The following CNTN6 variants were observed in gnomAD, a reference collection of about 807,000 sequenced individuals.
CNTN6 encodes the protein contactin-6.
A neutral mutation model predicts 122.8 loss-of-function variants in CNTN6; 137 were observed. The ratio of observed to expected loss-of-function variants is 1.12; its 90% CI spans 0.97 to 1.29. The LOEUF (loss-of-function observed/expected upper bound fraction) is 1.29, where lower values mean the gene tolerates loss of function less well. CNTN6 is among the 50% of genes most tolerant of loss of function. The pLI is 0.00. For synonymous variants in CNTN6, 570 were observed against 426.0 expected (o/e 1.34, Z -4.16); for missense variants, 1,634 against 1,223.4 (o/e 1.34, Z -5.01).
intron 20 of CNTN6, among the ~76,000 whole-genome samples, chr3:1,395,704 G>C (rs1171521235): frequency 2.0e-5 from 3 of 152,136 alleles, no homozygotes; most frequent in East Asian, 3.9e-4. Flanking sequence ...TGTGTCCACA[G>C]GTACTGGAGA....
intron 2 of CNTN6, among the ~76,000 whole-genome samples, chr3:1,189,367 A>C (rs780512859): frequency 8.5e-5 from 13 of 152,218 alleles, no homozygotes; most frequent in Non-Finnish European, 1.6e-4. Flanking sequence ...GAAGAAATGC[A>C]TTTATACAAA....
intron 11 of CNTN6, among the ~76,000 whole-genome samples, chr3:1,335,745 C>G (rs1454942779): frequency 6.6e-6 from 1 of 152,022 alleles, no homozygotes; most frequent in Non-Finnish European, 1.5e-5. Context: ...ACAATTGAAT[C>G]TGGTTGGGTG....
chr3:1,268,066 GATT>G (rs1438700163), intron 4 of CNTN6, among the ~76,000 whole-genome samples: 1 of 152,190 alleles, frequency 6.6e-6, no homozygotes, highest in Non-Finnish European at 1.5e-5. Context: ...TCTCTTTAGA[GATT>G]ATTGACTACA....
chr3:1,259,036 C>T (rs956798095), intron 4 of CNTN6, among the ~76,000 whole-genome samples: 5 of 152,216 alleles, frequency 3.3e-5, no homozygotes, highest in African/African-American at 1.2e-4. Flanking sequence ...ACTTTATTCA[C>T]AAAACAGACA....
chr3:1,102,734 T>A (rs1403168169), intron 1 of CNTN6, among the ~76,000 whole-genome samples: 6 of 147,758 alleles, frequency 4.1e-5, no homozygotes, highest in Non-Finnish European at 7.5e-5. Flanking sequence ...TCTCAAAAAA[T>A]AAATAAATAC....
intron 7 of CNTN6, among the ~76,000 whole-genome samples, chr3:1,306,429 A>C (rs1247287911): frequency 2.6e-5 from 4 of 152,192 alleles, no homozygotes; most frequent in African/African-American, 9.6e-5. Flanking sequence ...AGAAATTGAA[A>C]GATAACATTA....
At chr3:1,392,633 GA>G (rs1346003933) in intron 20 of CNTN6, among the ~76,000 whole-genome samples, 3 of 142,332 alleles carry the variant, frequency 2.1e-5, no homozygotes, top group Admixed American at 2.1e-4. Context: ...TACAAAATGG[GA>G]GAAAATTTTC....
At chr3:1,273,844 CAG>C (rs1691827143) in intron 4 of CNTN6, among the ~76,000 whole-genome samples, 2 of 152,074 alleles carry the variant, frequency 1.3e-5, no homozygotes, top group African/African-American at 2.4e-5. Flanking sequence ...GAAGTGAACA[CAG>C]AATATATTAA....
chr3:1,158,785 TA>T (rs2093037296), intron 2 of CNTN6, among the ~76,000 whole-genome samples: 1 of 102,468 alleles, frequency 9.8e-6, no homozygotes, highest in Non-Finnish European at 1.9e-5. Flanking sequence ...TATGTGTGTA[TA>T]TATGTGTATA....
In CNTN6 at chr3:1,372,482, A is replaced by C. The variant is rs202137418; in HGVS notation, c.1668+8A>C. The C allele has an allele frequency of 6.3e-7, 1 of 1,595,052 alleles. No homozygotes were observed. The highest frequency in any genetic ancestry group is 1.8e-5 in the Admixed American group (1 of 55,398). Reference sequence around the variant, plus strand: ...TTTGAAAGGATTGGAGGAGTAAGTTACTGAAATTGTTAAGTGCTTAATAAA... The same window carrying C: ...TTTGAAAGGATTGGAGGAGTAAGTTCCTGAAATTGTTAAGTGCTTAATAAA... On this transcript the variant is annotated splice_region_variant and intron_variant, in intron 13 of 22. Transcript: ENST00000446702.
intron 20 of CNTN6, among the ~76,000 whole-genome samples, chr3:1,387,955 C>G (rs537668337): frequency 6.6e-6 from 1 of 152,078 alleles, no homozygotes; most frequent in South Asian, 2.1e-4. Flanking sequence ...AGTCTGAGAT[C>G]AAACTGCAAG....
chr3:1,387,884 T>A lies in CNTN6; in HGVS notation c.2704+2087T>A, dbSNP rs867479685. ...TAAAAAACGGCGCACCACGAGATTA[T>A]ATCCTGCACCCGGCTCGGAGGGTCC... On this transcript the variant is annotated intron_variant, in intron 20 of 22. Coordinates refer to ENST00000446702, the MANE Select transcript of CNTN6 (RefSeq NM_001289080.2). Among the ~76,000 whole-genome samples the A allele has an allele frequency of 4.9e-4, 74 of 152,282 alleles. 1 individual carries two copies. Among genetic ancestry groups the A allele is most frequent in the Middle Eastern group, 3.4e-3 (1 of 294 alleles).
In CNTN6 at chr3:1,227,925, T is replaced by C; in HGVS notation, c.290T>C (p.Met97Thr). 6.2e-7 allele frequency: 1 copy of C among 1,614,092 alleles called. No individual in the cohort carries two copies. Among genetic ancestry groups the C allele is most frequent in the Non-Finnish European group, 8.5e-7 (1 of 1,179,984 alleles). The change falls in exon 4 of 23, where the codon ATG becomes ACG. Residue 97 changes from methionine to threonine, a missense_variant. By Grantham distance (81) the Met-to-Thr change is moderately conservative. Coordinates refer to ENST00000446702, the MANE Select transcript of CNTN6 (RefSeq NM_001289080.2). The part of the protein sequence containing the change: ...NSPHTDQDIG[M>T]YQCLATNLLG... ...CCCCACACAGATCAAGATATTGGCA[T>C]GTACCAGTGCCTGGCCACCAATCTT...
At chr3:1,135,805 C>T (rs1387632244) in intron 1 of CNTN6, among the ~76,000 whole-genome samples, 1 of 152,064 alleles carries the variant, frequency 6.6e-6, no homozygotes, top group African/African-American at 2.4e-5. Flanking sequence ...CCTGCCTGAC[C>T]AACACAGTGA....
chr3:1,315,299 TAC>T (rs1699938356), intron 7 of CNTN6, among the ~76,000 whole-genome samples: 1 of 151,988 alleles, frequency 6.6e-6, no homozygotes, highest in African/African-American at 2.4e-5. Flanking sequence ...ATGGACAAAC[TAC>T]ACAGAGTCTA....
At chr3:1,159,378 A>G (rs544234296) in intron 2 of CNTN6, among the ~76,000 whole-genome samples, 68 of 152,154 alleles carry the variant, frequency 4.5e-4, no homozygotes, top group Middle Eastern at 6.8e-3. Flanking sequence ...GACAGACTGG[A>G]ATGGAGCAGG....
At chr3:1,370,580 G>C (rs1250975278) in intron 12 of CNTN6, among the ~76,000 whole-genome samples, 2 of 152,162 alleles carry the variant, frequency 1.3e-5, no homozygotes, top group African/African-American at 4.8e-5. Flanking sequence ...GTTAGGTGCA[G>C]TGATTAACGC....
intron 4 of CNTN6, among the ~76,000 whole-genome samples, chr3:1,272,316 TG>T (rs1273212508): frequency 1.3e-5 from 2 of 152,228 alleles, no homozygotes; most frequent in African/African-American, 4.8e-5. Context: ...CTTTGGTCAG[TG>T]GCCAGTCATC....
At chr3:1,285,142 GA>G (rs1466955717) in intron 5 of CNTN6, among the ~76,000 whole-genome samples, 2 of 152,174 alleles carry the variant, frequency 1.3e-5, no homozygotes, top group African/African-American at 4.8e-5. Flanking sequence ...TGGTGACTTG[GA>G]CCAGGTGGAT....
Sources: allele counts gnomAD v4.1 joint callset (sites outside exome capture counted in the v4.1 genomes callset), GRCh38; gene constraint gnomAD v4.1.1; transcripts MANE v1.5; gene names NCBI Gene and HGNC (gene_info 2026-07-23, HGNC 2026-07-21).